The following INTS13 variants were observed in gnomAD, a reference collection of about 807,000 sequenced individuals.
INTS13 encodes integrator complex subunit 13, also known as asunder, spermatogenesis regulator homolog (Drosphila).
A neutral mutation model predicts 90.2 loss-of-function variants in INTS13; 35 were observed. The observed-to-expected ratio is 0.39, with a 90% CI of 0.30 to 0.51. INTS13 has a LOEUF of 0.51. Among genes scored for constraint, INTS13 ranks in the 20% least tolerant of loss-of-function variants. The pLI is 0.80. For synonymous variants in INTS13, 309 were observed against 277.1 expected (o/e 1.11, Z -1.14); for missense variants, 601 against 851.2 (o/e 0.71, Z 3.66).
intron 3 of INTS13, among the ~76,000 whole-genome samples, chr12:26,932,317 A>T (rs762427460): frequency 6.6e-6 from 1 of 152,202 alleles, no homozygotes; most frequent in Non-Finnish European, 1.5e-5. Flanking sequence ...TGGAGAATCC[A>T]GGAGAAGTTC....
chr12:26,909,035 C>A (rs1234262298), intron 15 of INTS13, among the ~76,000 whole-genome samples: 1 of 152,156 alleles, frequency 6.6e-6, no homozygotes, highest in Non-Finnish European at 1.5e-5. Flanking sequence ...TTTACACATT[C>A]ATTCAATAAT....
chr12:26,913,879 C>T, intron 13 of INTS13, 95 bp downstream of exon 13: 2 of 1,247,014 alleles, frequency 1.6e-6, no homozygotes, highest in South Asian at 2.8e-5. Context: ...TAAACATGTC[C>T]TCAAATAGAA....
Position 26,936,758 on chromosome 12 carries a change from G to A in INTS13, c.46C>T (p.His16Tyr). 1 of 1,614,090 alleles carries A rather than the reference G, an allele frequency of 6.2e-7. No homozygotes were observed. The highest frequency in any genetic ancestry group is 8.5e-7 in the Non-Finnish European group (1 of 1,179,968). Reference protein sequence around the residue: ...ESHKTVFVVDHCPYMAESCRQ... With the variant: ...ESHKTVFVVDYCPYMAESCRQ... ...CAAGATTCTGCCATATAAGGGCAGTGATCCACAACAAACACTGTTTTATGA... is the reference window on the plus strand; with the variant it reads ...CAAGATTCTGCCATATAAGGGCAGTAATCCACAACAAACACTGTTTTATGA... The change falls in exon 2 of 17, where the codon CAC becomes TAC. Residue 16 changes from histidine to tyrosine, a missense_variant. Coordinates refer to ENST00000261191, the MANE Select transcript of INTS13 (RefSeq NM_018164.3).
chr12:26,915,201 G>A (rs1342549450), intron 11 of INTS13, among the ~76,000 whole-genome samples: 1 of 152,006 alleles, frequency 6.6e-6, no homozygotes, highest in East Asian at 1.9e-4. Context: ...ACTCTAACCT[G>A]GGCAACAAGA....
At chr12:26,931,482 T>C (rs561910782) in intron 3 of INTS13, among the ~76,000 whole-genome samples, 1 of 151,608 alleles carries the variant, frequency 6.6e-6, no homozygotes, top group Non-Finnish European at 1.5e-5. Context: ...CAAAAAATAA[T>C]AAAAACACCT....
chr12:26,934,411 A>G, intron 3 of INTS13, 145 bp downstream of exon 3: 1 of 616,658 alleles, frequency 1.6e-6, no homozygotes, highest in South Asian at 2.1e-5. Context: ...GAAAGCCTAG[A>G]ATGGGGATAG....
Position 26,905,618 on chromosome 12 carries a change from TTAAAA to T in INTS13, c.2082-87_2082-83del, listed in dbSNP as rs900994254. 1.0e-4 allele frequency: 136 copies of T among 1,333,408 alleles called. No individual in the cohort carries two copies. In the African/African-American group the frequency reaches 1.8e-3, roughly 18 times the overall value. 82.6% of individuals were successfully genotyped at this position (1,333,408 alleles called of 1,614,324 possible). On this transcript the variant is annotated intron_variant, in intron 16 of 16. Coordinates refer to ENST00000261191, the MANE Select transcript of INTS13 (RefSeq NM_018164.3). ...TCCTTATCTACCTTTCACATGAAAA[TTAAAA>T]TAATATATTCACAGAACAGAACATC...
At position 26,922,657 on chromosome 12, in the gene INTS13, A is replaced by T; in HGVS notation, c.848T>A (p.Leu283Gln). The part of the protein sequence containing the change: ...ANTSANYDVE[L>Q]LHHKDAHVDF... ...TACATGTGCATCTTTGTGATGAAGT[A>T]GCTCCACATCATAATTGGCAGATGT... Residue 283 changes from leucine (L) to glutamine (Q), a missense_variant, in exon 8 of 17, where the codon CTA becomes CAA. Physicochemically the swap from Leu to Gln is moderately radical, Grantham distance 113. Around this residue, in one of 3 missense-constraint regions of INTS13, gnomAD observed 284 missense variants for 387.7 expected, o/e 0.73. Transcript: ENST00000261191. 1 of 1,588,100 alleles carries T rather than the reference A, an allele frequency of 6.3e-7. No individual in the cohort carries two copies. The highest frequency in any genetic ancestry group is 8.6e-7 in the Non-Finnish European group (1 of 1,166,820).
At chr12:26,916,930 C>T (rs527566400) in intron 10 of INTS13, among the ~76,000 whole-genome samples, 1 of 152,144 alleles carries the variant, frequency 6.6e-6, no homozygotes, top group Admixed American at 6.5e-5. Context: ...GTAAGTCCAC[C>T]TTTGATTTGA....
At chr12:26,916,228 C>A in intron 10 of INTS13, 48 bp from the exon 11 acceptor site, 1 of 1,432,130 alleles carries the variant, frequency 7.0e-7, no homozygotes, top group South Asian at 1.4e-5. Flanking sequence ...CAAATGGGCT[C>A]TCATTTATTT....
intron 10 of INTS13, 149 bp from the exon 11 acceptor site, chr12:26,916,329 G>A: frequency 1.4e-6 from 1 of 719,210 alleles, no homozygotes; most frequent in South Asian, 2.2e-5. Flanking sequence ...ACTCTTCCAT[G>A]CCTAAAAATC....
intron 5 of INTS13, 52 bp from the exon 6 acceptor site, chr12:26,925,903 A>C (rs1353451446): frequency 7.6e-7 from 1 of 1,324,044 alleles, no homozygotes. Context: ...TATGTAAAGA[A>C]TTCAAGCAGG....
intron 3 of INTS13, among the ~76,000 whole-genome samples, chr12:26,931,023 ATATAT>A (rs1336552827): frequency 6.6e-6 from 1 of 152,216 alleles, no homozygotes; most frequent in Non-Finnish European, 1.5e-5. Flanking sequence ...CTTTGTTTAC[ATATAT>A]TATAATACTA....
At position 26,913,592 on chromosome 12, in the gene INTS13, A is replaced by G; in HGVS notation, c.1670T>C (p.Leu557Pro). ...SEKHQRVLEC[L>P]MACRSKPPEE... ...TGGGGGTTTGCTCCTGCATGCCATC[A>G]GACATTCCAAGACTCTTTGATGTTT... The change falls in exon 14 of 17, where the codon CTG (leucine) becomes CCG (proline). Residue 557 changes from leucine to proline, a missense_variant. By Grantham distance (98) the Leu-to-Pro change is moderately conservative (BLOSUM62 -3). This residue lies in a region of INTS13 where 228 missense variants were observed against 272.5 expected (regional missense o/e 0.84). Coordinates refer to ENST00000261191, the MANE Select transcript of INTS13 (RefSeq NM_018164.3). 6.2e-7 allele frequency: 1 copy of G among 1,614,062 alleles called. No individual in the cohort carries two copies. Among genetic ancestry groups the G allele is most frequent in the Non-Finnish European group, 8.5e-7 (1 of 1,180,020 alleles).
At chr12:26,905,645 C>A (rs927324733) in intron 16 of INTS13, 109 bp from the exon 17 acceptor site, 10 of 1,073,352 alleles carry the variant, frequency 9.3e-6, no homozygotes, top group Admixed American at 2.4e-5. Flanking sequence ...CAGAACAGAA[C>A]ATCAGCATTT....
Position 26,934,723 on chromosome 12 carries a change from T to G in INTS13, c.226-93A>C, listed in dbSNP as rs145389224. 132 of 909,666 alleles carry G rather than the reference T, an allele frequency of 1.5e-4. No individual in the cohort carries two copies. In the East Asian group the frequency reaches 3.2e-3, roughly 22 times the overall value. The allele number at this position is 909,666 out of a possible 1,614,324, so 56.3% of individuals were successfully genotyped here. A position where few individuals can be genotyped will look rare whatever the true frequency, so the allele number is the denominator to read the frequency against. The stretch of plus-strand genomic sequence containing the variant: ...GTAATATGCAATTTGTAACACTGTT[T>G]CACTGATTCATTCATTCTTCTTTTT... On this transcript the variant is annotated intron_variant, in intron 2 of 16. Transcript: ENST00000261191.
At position 26,914,646 on chromosome 12, in the gene INTS13, A is replaced by T. The variant is rs898343439; in HGVS notation, c.1249-68T>A. 6 of 1,306,576 alleles carry T rather than the reference A, an allele frequency of 4.6e-6. No homozygotes were observed. The Admixed American group carries it at 1.1e-4, about 24-fold the overall frequency. The allele number at this position is 1,306,576 out of a possible 1,614,324, so 80.9% of individuals were successfully genotyped here. On this transcript the variant is annotated intron_variant, in intron 11 of 16. Coordinates refer to ENST00000261191, the MANE Select transcript of INTS13 (RefSeq NM_018164.3). ...TGTTTCAGTATGGATTACATGTACT[A>T]GTCTGTTTCCCTGATGTCTTCTGTC... is the stretch of plus-strand genomic sequence containing the variant.
chr12:26,937,903 T>C lies in INTS13; in HGVS notation c.-119A>G, dbSNP rs769108573. 4 of 152,794 alleles carry C rather than the reference T, an allele frequency of 2.6e-5. No individual in the cohort carries two copies. The highest frequency in any genetic ancestry group is 4.8e-5 in the African/African-American group (2 of 41,462). 9.5% of individuals were successfully genotyped at this position (152,794 alleles called of 1,614,324 possible). A position where few individuals can be genotyped will look rare whatever the true frequency, so the allele number is the denominator to read the frequency against. The stretch of plus-strand genomic sequence containing the variant: ...GAGTCAGCGCACAGTCGGGAGTGTC[T>C]GGTGCCACAGACAGGGGACTATGCT... On this transcript the variant is annotated 5_prime_UTR_variant, in exon 1 of 17. Transcript: ENST00000261191.
chr12:26,920,336 A>G (rs1190105290), intron 8 of INTS13, among the ~76,000 whole-genome samples: 1 of 152,122 alleles, frequency 6.6e-6, no homozygotes, highest in Non-Finnish European at 1.5e-5. Flanking sequence ...TGTAATGCAT[A>G]TAACTACAGG....
Sources: gnomAD v4.1 joint callset for allele counts (sites outside exome capture counted in the v4.1 genomes callset) on GRCh38, gnomAD v4.1.1 for gene constraint, gnomAD v4.1.1 regional missense constraint, MANE v1.5 for transcripts, NCBI Gene and HGNC (gene_info 2026-07-23, HGNC 2026-07-21) for gene names.